The following IGBP1C variants were observed in gnomAD, a reference collection of about 807,000 sequenced individuals.
IGBP1C encodes immunoglobulin-binding protein 1 family member C.
the IGBP1C span, chr17:58,666,777 T>C: frequency 3.3e-5 from 5 of 152,216 alleles, no homozygotes; most frequent in African/African-American, 4.8e-5. Context: ...ATGACTCTAA[T>C]TGGACTTTAT....
the IGBP1C span, among the ~76,000 whole-genome samples, chr17:58,668,967 C>A: frequency 6.6e-6 from 1 of 152,096 alleles, no homozygotes; most frequent in Non-Finnish European, 1.5e-5. Flanking sequence ...GGCTGAGAAC[C>A]ACTGTTCTAG....
At chr17:58,690,788 G>A in the IGBP1C span, among the ~76,000 whole-genome samples, 1 of 152,192 alleles carries the variant, frequency 6.6e-6, no homozygotes. Flanking sequence ...CTCCCCGCCA[G>A]TAGGGACTCA....
the IGBP1C span, chr17:58,677,729 G>C: frequency 1.5e-5 from 1 of 65,510 alleles, no homozygotes; most frequent in African/African-American, 1.6e-4. Context: ...TTCCCTGCCC[G>C]GTAAAGTGGA....
chr17:58,680,361 G>A, the IGBP1C span, among the ~76,000 whole-genome samples: 1 of 152,270 alleles, frequency 6.6e-6, no homozygotes, highest in South Asian at 2.1e-4. Context: ...AAAGTGTCAT[G>A]CTTACATACA....
the IGBP1C span, among the ~76,000 whole-genome samples, chr17:58,678,646 G>A: frequency 1.3e-5 from 2 of 151,794 alleles, no homozygotes; most frequent in African/African-American, 4.8e-5. Context: ...AACACGGGGT[G>A]GGGAACATCA....
chr17:58,689,558 A>G, the IGBP1C span, among the ~76,000 whole-genome samples: 1 of 152,252 alleles, frequency 6.6e-6, no homozygotes, highest in Non-Finnish European at 1.5e-5. Context: ...TTTTTCAAAA[A>G]TTTTAATGAT....
At chr17:58,673,093 G>A in the IGBP1C span, among the ~76,000 whole-genome samples, 1 of 152,018 alleles carries the variant, frequency 6.6e-6, no homozygotes, top group Non-Finnish European at 1.5e-5. Context: ...GGTTCTCCAT[G>A]ACAGTGGAGC....
chr17:58,679,402 G>C, the IGBP1C span: 2 of 151,628 alleles, frequency 1.3e-5, no homozygotes. Flanking sequence ...AAGCGTGTGT[G>C]GAGAAAAAAA....
At chr17:58,690,009 C>A in the IGBP1C span, among the ~76,000 whole-genome samples, 2 of 149,482 alleles carry the variant, frequency 1.3e-5, no homozygotes, top group Non-Finnish European at 3.0e-5. Flanking sequence ...ACCACCGCAC[C>A]CAGCTAATTT....
At chr17:58,682,810 T>G in the IGBP1C span, among the ~76,000 whole-genome samples, 3 of 152,156 alleles carry the variant, frequency 2.0e-5, no homozygotes, top group African/African-American at 7.2e-5. Context: ...AAAAGATGTC[T>G]GTCCTCCACT....
the IGBP1C span, among the ~76,000 whole-genome samples, chr17:58,665,464 C>T: frequency 6.6e-6 from 1 of 151,950 alleles, no homozygotes; most frequent in African/African-American, 2.4e-5. Flanking sequence ...TTATTGTGGT[C>T]ATGCGTGGCT....
chr17:58,691,015 G>A, the IGBP1C span, among the ~76,000 whole-genome samples: 5 of 151,978 alleles, frequency 3.3e-5, no homozygotes, highest in Admixed American at 6.6e-5. Flanking sequence ...CACCATGCCC[G>A]GCTAATTTTT....
the IGBP1C span, chr17:58,661,307 C>G: frequency 4.8e-6 from 4 of 826,768 alleles, no homozygotes; most frequent in Admixed American, 6.8e-5. Flanking sequence ...TAGACGCTTA[C>G]GGGGGTTGAC....
At chr17:58,691,615 C>T in the IGBP1C span, among the ~76,000 whole-genome samples, 3 of 141,916 alleles carry the variant, frequency 2.1e-5, no homozygotes, top group African/African-American at 8.0e-5. Context: ...TGCAGTGAGC[C>T]GACATCGTGC....
chr17:58,661,581 C>T, the IGBP1C span: 2 of 730,654 alleles, frequency 2.7e-6, no homozygotes, highest in African/African-American at 1.8e-5. Flanking sequence ...GGCAGGAACT[C>T]GTCTTCAGCA....
chr17:58,682,575 AGT>A, the IGBP1C span, among the ~76,000 whole-genome samples: 4 of 151,928 alleles, frequency 2.6e-5, no homozygotes, highest in African/African-American at 9.6e-5. Context: ...CAGATTTCAA[AGT>A]GTGTTTTATT....
chr17:58,685,359 G>A, the IGBP1C span, among the ~76,000 whole-genome samples: 137 of 150,698 alleles, frequency 9.1e-4, no homozygotes, highest in Admixed American at 1.5e-3. Context: ...TCGCTTGAAC[G>A]TGGGAGGTGG....
At chr17:58,676,596 A>G in the IGBP1C span, among the ~76,000 whole-genome samples, 1 of 152,162 alleles carries the variant, frequency 6.6e-6, no homozygotes, top group African/African-American at 2.4e-5. Context: ...AAACCAACAA[A>G]CTACTATGTC....
At chr17:58,672,399 A>C in the IGBP1C span, among the ~76,000 whole-genome samples, 3 of 152,082 alleles carry the variant, frequency 2.0e-5, no homozygotes, top group Non-Finnish European at 4.4e-5. Flanking sequence ...AAATACTCCA[A>C]ATTTATGCAA....
Sources: gnomAD v4.1 joint callset for allele counts (sites outside exome capture counted in the v4.1 genomes callset) on GRCh38, gnomAD v4.1.1 for gene constraint, MANE v1.5 for transcripts, NCBI Gene and HGNC (gene_info 2026-07-23, HGNC 2026-07-21) for gene names.